Variants in IL23R observed in about 807,000 individuals in gnomAD.
IL23R encodes interleukin 23 receptor.
IL23R carries 34 observed loss-of-function variants against 56.9 expected under a neutral mutation model. That is an observed-to-expected ratio of 0.60 (90% CI 0.45 to 0.80). The LOEUF is 0.80. Ranked by LOEUF, IL23R falls within the 30% of genes least tolerant of loss-of-function variation. IL23R has a pLI of 0.00. For missense variants in IL23R, 635 were observed against 730.0 expected (o/e 0.87, Z 1.50); for synonymous variants, 230 against 249.2 (o/e 0.92, Z 0.73).
chr1:67,166,843 C>T (rs913434123), intron 1 of IL23R, among the ~76,000 whole-genome samples: 2 of 151,940 alleles, frequency 1.3e-5, no homozygotes, highest in African/African-American at 4.8e-5. Context: ...CAAGGGGACC[C>T]CAGTTTTTTT....
rs565151922 is a variant in IL23R at position 67,152,488 on chromosome 1, A to G, written c.-634+13327A>G. Among the ~76,000 whole-genome samples, 16 of 152,252 alleles carry G rather than the reference A, an allele frequency of 1.1e-4. No homozygotes were observed. The South Asian group carries it at 3.3e-3, about 32-fold the overall frequency. On this transcript the variant is annotated intron_variant, in intron 1 of 10. Transcript: ENST00000637002. ...TTCCCTGGCCAGAACTTCCAATACT[A>G]TGTTGAATTGGAGTGGTGAGAGGGC...
intron 4 of IL23R, among the ~76,000 whole-genome samples, chr1:67,194,549 A>G (rs111577708): frequency 6.2e-4 from 95 of 152,252 alleles, no homozygotes; most frequent in Non-Finnish European, 6.0e-4. Flanking sequence ...AGATTCTTCA[A>G]TTAAAACAGT....
chr1:67,159,708 T>C (rs72927017), intron 1 of IL23R, among the ~76,000 whole-genome samples: 3,482 of 152,306 alleles, frequency 0.023, 120 homozygotes, highest in African/African-American at 0.079. Context: ...TAGCATGCTA[T>C]GATAGTGTCT....
At chr1:67,158,214 T>C (rs1472775846) in intron 1 of IL23R, among the ~76,000 whole-genome samples, 1 of 146,026 alleles carries the variant, frequency 6.8e-6, no homozygotes, top group African/African-American at 2.7e-5. Flanking sequence ...AGACTCCATG[T>C]CAAAAAAAAA....
intron 9 of IL23R, among the ~76,000 whole-genome samples, chr1:67,247,487 A>G (rs996477065): frequency 2.6e-5 from 4 of 152,034 alleles, no homozygotes; most frequent in Non-Finnish European, 5.9e-5. Flanking sequence ...TATTTTTAGT[A>G]GAGATGGAGT....
intron 9 of IL23R, among the ~76,000 whole-genome samples, chr1:67,244,101 A>G (rs1007665309): frequency 2.0e-5 from 3 of 152,154 alleles, no homozygotes; most frequent in African/African-American, 7.2e-5. Context: ...GGCCGCATAA[A>G]TGTCTTCTTT....
intron 3 of IL23R, among the ~76,000 whole-genome samples, chr1:67,173,072 G>C (rs72927034): frequency 0.02 from 3,060 of 152,176 alleles, 94 homozygotes; most frequent in African/African-American, 0.07. Context: ...AATAATAGGG[G>C]AGGGGTGGGA....
At chr1:67,157,492 A>G (rs1046760931) in intron 1 of IL23R, among the ~76,000 whole-genome samples, 1 of 152,144 alleles carries the variant, frequency 6.6e-6, no homozygotes, top group African/African-American at 2.4e-5. Flanking sequence ...ACAACTGTCC[A>G]CTACTCTTCA....
chr1:67,227,953 T>TCTTC (rs1553294952), intron 7 of IL23R, among the ~76,000 whole-genome samples: 968 of 7,612 alleles, frequency 0.13, 139 homozygotes, highest in African/African-American at 0.22. Context: ...TTTCTTTCTT[T>TCTTC]CTTTCTTTCT....
At chr1:67,141,269 T>C (rs1646635146) in intron 1 of IL23R, among the ~76,000 whole-genome samples, 1 of 152,214 alleles carries the variant, frequency 6.6e-6, no homozygotes, top group Admixed American at 6.5e-5. Context: ...ATTTTTCTAC[T>C]TTGTATACTT....
At chr1:67,154,584 T>A (rs1159370526) in intron 1 of IL23R, among the ~76,000 whole-genome samples, 1 of 152,128 alleles carries the variant, frequency 6.6e-6, no homozygotes, top group African/African-American at 2.4e-5. Flanking sequence ...TTGCAAGCCC[T>A]GTCTTTTTAA....
chr1:67,163,197 G>T (rs1646837837), upstream of IL23R, among the ~76,000 whole-genome samples: 1 of 152,056 alleles, frequency 6.6e-6, no homozygotes, highest in Admixed American at 6.6e-5. Context: ...GGCCAGGTGT[G>T]GTGACTCATG....
At chr1:67,222,763 A>G (rs1056092807) in intron 7 of IL23R, among the ~76,000 whole-genome samples, 1 of 152,196 alleles carries the variant, frequency 6.6e-6, no homozygotes, top group Non-Finnish European at 1.5e-5. Flanking sequence ...CTAAACTATA[A>G]CAAAACTTTT....
chr1:67,192,187 A>G (rs1328938569), intron 4 of IL23R, among the ~76,000 whole-genome samples: 1 of 152,230 alleles, frequency 6.6e-6, no homozygotes, highest in Non-Finnish European at 1.5e-5. Flanking sequence ...GTGATTGTCA[A>G]TTAATAAGTG....
intron 4 of IL23R, among the ~76,000 whole-genome samples, chr1:67,191,146 T>C (rs1171377031): frequency 1.3e-5 from 2 of 152,190 alleles, no homozygotes; most frequent in African/African-American, 4.8e-5. Flanking sequence ...ACAGTAATCC[T>C]ACTACATTTC....
intron 1 of IL23R, among the ~76,000 whole-genome samples, chr1:67,148,200 G>T (rs1646698293): frequency 6.6e-6 from 1 of 152,262 alleles, no homozygotes; most frequent in African/African-American, 2.4e-5. Context: ...ATCCAGAGGG[G>T]TGGAAGTCAG....
chr1:67,243,597 A>G (rs1651999629), intron 9 of IL23R, among the ~76,000 whole-genome samples: 1 of 152,062 alleles, frequency 6.6e-6, no homozygotes, highest in Non-Finnish European at 1.5e-5. Context: ...GCTGAGAATG[A>G]CGGTTTCCAG....
intron 7 of IL23R, among the ~76,000 whole-genome samples, chr1:67,220,199 T>A (rs1334348563): frequency 1.3e-5 from 2 of 151,938 alleles, no homozygotes. Flanking sequence ...TGAAACCCTG[T>A]CTCTACTAAA....
At chr1:67,149,649 G>T (rs1646711020) in intron 1 of IL23R, among the ~76,000 whole-genome samples, 1 of 152,042 alleles carries the variant, frequency 6.6e-6, no homozygotes, top group African/African-American at 2.4e-5. Flanking sequence ...CTCCTCCTTT[G>T]TCTGAACATG....
Sources: gnomAD v4.1 joint callset for allele counts (sites outside exome capture counted in the v4.1 genomes callset) on GRCh38, gnomAD v4.1.1 for gene constraint, MANE v1.5 for transcripts, NCBI Gene and HGNC (gene_info 2026-07-23, HGNC 2026-07-21) for gene names.